Variants in BMPR1B observed in about 807,000 individuals in gnomAD.
The protein encoded by BMPR1B is bone morphogenetic protein receptor type-1B.
In BMPR1B, 12 loss-of-function variants were observed where a neutral mutation model predicts 59.1. The ratio of observed to expected loss-of-function variants is 0.20; its 90% CI spans 0.13 to 0.33. The LOEUF is 0.33. BMPR1B is among the 10% of genes least tolerant of loss of function. The pLI, the probability that BMPR1B is intolerant of heterozygous loss-of-function variation, is 1.00. For missense variants in BMPR1B, 550 were observed against 610.9 expected (o/e 0.90, Z 1.05); for synonymous variants, 237 against 207.3 (o/e 1.14, Z -1.23).
intron 3 of BMPR1B, among the ~76,000 whole-genome samples, chr4:95,088,232 C>G (rs1729733997): frequency 6.6e-6 from 1 of 152,050 alleles, no homozygotes; most frequent in African/African-American, 2.4e-5. Context: ...TATAATAGCT[C>G]CTGAAGTGAG....
At chr4:94,807,026 G>C (rs1248188182) in intron 1 of BMPR1B, among the ~76,000 whole-genome samples, 1 of 152,034 alleles carries the variant, frequency 6.6e-6, no homozygotes, top group Non-Finnish European at 1.5e-5. Context: ...TATAATGAAA[G>C]ACATCTGTAT....
intron 1 of BMPR1B, among the ~76,000 whole-genome samples, chr4:94,793,987 T>C (rs1054166292): frequency 1.3e-5 from 2 of 149,694 alleles, no homozygotes; most frequent in African/African-American, 4.9e-5. Flanking sequence ...ACTCTGATGG[T>C]AGTTTCTTTT....
chr4:94,844,411 C>A (rs1016248779), intron 1 of BMPR1B, among the ~76,000 whole-genome samples: 2 of 152,108 alleles, frequency 1.3e-5, no homozygotes, highest in Non-Finnish European at 2.9e-5. Flanking sequence ...ACAATGAGGC[C>A]TTAGGATTAG....
chr4:94,917,843 A>G (rs1728541629), intron 2 of BMPR1B, among the ~76,000 whole-genome samples: 1 of 152,144 alleles, frequency 6.6e-6, no homozygotes, highest in Non-Finnish European at 1.5e-5. Flanking sequence ...CCTAACTCTC[A>G]TTAGTGCTGG....
intron 3 of BMPR1B, among the ~76,000 whole-genome samples, chr4:95,083,213 T>C (rs1471802911): frequency 6.6e-6 from 1 of 152,122 alleles, no homozygotes; most frequent in South Asian, 2.1e-4. Context: ...AATCATCTCA[T>C]TCCTATTAAG....
At chr4:94,982,964 G>T (rs936929295) in intron 2 of BMPR1B, among the ~76,000 whole-genome samples, 1 of 149,562 alleles carries the variant, frequency 6.7e-6, no homozygotes, top group African/African-American at 2.5e-5. Flanking sequence ...CAGCCTGGGC[G>T]ACAGAGCCAG....
chr4:94,783,441 TGA>T (rs1439770510), intron 1 of BMPR1B, among the ~76,000 whole-genome samples: 3 of 152,228 alleles, frequency 2.0e-5, no homozygotes, highest in African/African-American at 7.2e-5. Context: ...CCCTTAGGCT[TGA>T]ACTTCCCTTA....
intron 3 of BMPR1B, among the ~76,000 whole-genome samples, chr4:95,021,384 GAAGGTTTTT>G (rs1723969797): frequency 6.6e-6 from 1 of 152,200 alleles, no homozygotes; most frequent in African/African-American, 2.4e-5. Flanking sequence ...AGATTTTAAA[GAAGGTTTTT>G]AACCTAGCAT....
chr4:94,862,343 G>GTAT, intron 1 of BMPR1B, among the ~76,000 whole-genome samples: 2 of 151,560 alleles, frequency 1.3e-5, no homozygotes, highest in South Asian at 4.2e-4. Context: ...CAGAGGCGGG[G>GTAT]TTTCACCATG....
chr4:94,767,464 G>C (rs1722013206), intron 1 of BMPR1B, among the ~76,000 whole-genome samples: 1 of 152,310 alleles, frequency 6.6e-6, no homozygotes, highest in African/African-American at 2.4e-5. Context: ...GGATGCTCTA[G>C]TGGTTAGAAT....
intron 2 of BMPR1B, among the ~76,000 whole-genome samples, chr4:94,897,306 C>T (rs527743881): frequency 5.3e-5 from 8 of 152,120 alleles, no homozygotes; most frequent in Admixed American, 2.6e-4. Context: ...TGTAAATAAG[C>T]GATAGTGTTA....
At chr4:94,874,878 A>G (rs190249059) in intron 1 of BMPR1B, among the ~76,000 whole-genome samples, 535 of 152,278 alleles carry the variant, frequency 3.5e-3, no homozygotes, top group Middle Eastern at 0.014. Context: ...CTGTAGTCCC[A>G]GCTACTCTGG....
At chr4:95,126,314 C>T (rs1406536029) in intron 8 of BMPR1B, among the ~76,000 whole-genome samples, 1 of 152,094 alleles carries the variant, frequency 6.6e-6, no homozygotes, top group Non-Finnish European at 1.5e-5. Context: ...GCTTTCAGCT[C>T]CTACTTTTAA....
At chr4:94,834,886 C>G (rs889219086) in intron 1 of BMPR1B, among the ~76,000 whole-genome samples, 2 of 150,468 alleles carry the variant, frequency 1.3e-5, no homozygotes, top group East Asian at 3.9e-4. Flanking sequence ...CCAAATAGTT[C>G]TTAAGAATGA....
intron 3 of BMPR1B, among the ~76,000 whole-genome samples, chr4:95,004,807 A>C (rs1223674374): frequency 6.6e-6 from 1 of 152,214 alleles, no homozygotes; most frequent in African/African-American, 2.4e-5. Context: ...ATAGAGAAAG[A>C]AAGCATGGTG....
intron 3 of BMPR1B, among the ~76,000 whole-genome samples, chr4:95,063,337 A>T (rs1336562388): frequency 6.6e-6 from 1 of 152,164 alleles, no homozygotes; most frequent in African/African-American, 2.4e-5. Context: ...CAAGTTAAGG[A>T]TAGTTGCTCT....
chr4:95,148,826 G>C lies in BMPR1B; in HGVS notation c.1155G>C (p.Glu385Asp). The C allele has an allele frequency of 1.2e-6, 2 of 1,614,046 alleles. No individual in the cohort carries two copies. Among genetic ancestry groups the C allele is most frequent in the Non-Finnish European group, 1.7e-6 (2 of 1,179,952 alleles). ...KRYMPPEVLD[E>D]SLNRNHFQSY... ...ATATGCCTCCAGAAGTGTTGGACGA[G>C]AGCTTGAACAGAAATCACTTCCAGT... Residue 385 changes from glutamate (E) to aspartate (D), a missense_variant, in exon 11 of 13, where the codon GAG becomes GAC. Physicochemically the swap from Glu to Asp is conservative, Grantham distance 45. Transcript: ENST00000515059.
chr4:95,022,965 C>G (rs377498934), intron 3 of BMPR1B, among the ~76,000 whole-genome samples: 58 of 152,252 alleles, frequency 3.8e-4, no homozygotes, highest in African/African-American at 1.3e-3. Context: ...ATGAAAGCCA[C>G]CCTGTTAGCA....
chr4:94,916,516 G>C (rs1449901434), intron 2 of BMPR1B, among the ~76,000 whole-genome samples: 1 of 152,198 alleles, frequency 6.6e-6, no homozygotes, highest in Non-Finnish European at 1.5e-5. Flanking sequence ...TAGGAGTGAT[G>C]ACCTAGGGTA....
Sources: gnomAD v4.1 joint callset for allele counts (sites outside exome capture counted in the v4.1 genomes callset) on GRCh38, gnomAD v4.1.1 for gene constraint, MANE v1.5 for transcripts, NCBI Gene and HGNC (gene_info 2026-07-23, HGNC 2026-07-21) for gene names.